Variants in COL9A1 observed in about 807,000 individuals in gnomAD.
The protein encoded by COL9A1 is collagen alpha-1(IX) chain.
COL9A1 carries 104 observed loss-of-function variants against 142.6 expected under a neutral mutation model. The observed-to-expected ratio is 0.73, with a 90% CI of 0.62 to 0.86. COL9A1 has a LOEUF of 0.86. COL9A1 is among the 40% of genes least tolerant of loss of function. The pLI is 0.00. For missense variants in COL9A1, 1,210 were observed against 1,176.6 expected, an observed-to-expected ratio of 1.03 and a Z score of -0.42; for synonymous variants, 466 against 396.0, an observed-to-expected ratio of 1.18 and a Z score of -2.10.
Position 70,286,356 on chromosome 6 carries a change from A to G in COL9A1, c.697-2536T>C, listed in dbSNP as rs541618919. ...TTTGCCAGGTTGTTAAGAAAGATTA[A>G]TAAGGTATTTAAGTCCTTCATAAGA... On this transcript the variant is annotated intron_variant, in intron 5 of 37. Transcript: ENST00000357250. 8.5e-5 allele frequency among the ~76,000 whole-genome samples: 13 copies of G among 152,322 alleles called. No homozygotes were observed. In the East Asian group the frequency reaches 2.5e-3, roughly 29 times the overall value.
Position 70,234,593 on chromosome 6 carries a change from C to G in COL9A1, c.2260G>C (p.Gly754Arg), listed in dbSNP as rs1769777375. The change falls in exon 35 of 38, where the codon GGT (glycine) becomes CGT (arginine). Residue 754 changes from glycine to arginine, a missense_variant and splice_region_variant. By Grantham distance (125) the Gly-to-Arg change is moderately radical (BLOSUM62 -2). Transcript: ENST00000357250. ...ATGTGCTGATCTGTCGGTGCTCTAC[C>G]CTGGGACAGAAAAGAAAAAAAGGCA... ...TGLPGVQGPP[G>R]RAPTDQHIKQ... The G allele has an allele frequency of 1.2e-6, 2 of 1,614,068 alleles. No individual in the cohort carries two copies. Among genetic ancestry groups the G allele is most frequent in the Non-Finnish European group, 1.7e-6 (2 of 1,180,000 alleles).
At chr6:70,236,130 A>C (rs1769893095) in intron 33 of COL9A1, among the ~76,000 whole-genome samples, 2 of 151,060 alleles carry the variant, frequency 1.3e-5, no homozygotes, top group African/African-American at 2.4e-5. Flanking sequence ...AAAAAAAAAA[A>C]AAAAAAAAAA....
intron 10 of COL9A1, among the ~76,000 whole-genome samples, chr6:70,275,657 C>T (rs1469857626): frequency 6.6e-6 from 1 of 152,024 alleles, no homozygotes; most frequent in Non-Finnish European, 1.5e-5. Context: ...AGATACATTT[C>T]TATTTTTAAT....
At chr6:70,233,065 C>T (rs1769660391) in intron 35 of COL9A1, among the ~76,000 whole-genome samples, 1 of 152,118 alleles carries the variant, frequency 6.6e-6, no homozygotes. Flanking sequence ...TCTTAAACTA[C>T]AGGCTTTGGG....
At chr6:70,281,266 G>A in intron 8 of COL9A1, 124 bp downstream of exon 8, 1 of 943,722 alleles carries the variant, frequency 1.1e-6, no homozygotes, top group Non-Finnish European at 1.6e-6. Flanking sequence ...GCCTTTAAGT[G>A]GGGTGGCAGG....
intron 25 of COL9A1, 86 bp from the exon 26 acceptor site, chr6:70,253,515 C>A (rs1771084911): frequency 1.1e-6 from 1 of 937,100 alleles, no homozygotes. Context: ...TGCAGGGAGG[C>A]TGAGGGAATC....
intron 32 of COL9A1, among the ~76,000 whole-genome samples, chr6:70,239,635 CAA>C (rs745902076): frequency 6.6e-6 from 1 of 152,288 alleles, no homozygotes; most frequent in East Asian, 1.9e-4. Flanking sequence ...TTATAAAACA[CAA>C]GAGACATTTA....
At position 70,283,138 on chromosome 6, in the gene COL9A1, C is replaced by T. The variant is rs546784062; in HGVS notation, c.781-220G>A. On this transcript the variant is annotated intron_variant, in intron 6 of 37. Coordinates refer to ENST00000357250, the MANE Select transcript of COL9A1 (RefSeq NM_001851.6). ...CCAGACCCGCCACTAGCATAGGTGG[C>T]ACTTCGTCCCTGCAGAAAAAGCACC... is the stretch of plus-strand genomic sequence containing the variant. The T allele has an allele frequency of 1.4e-3, 2,128 of 1,528,620 alleles. 3 individuals carry two copies. The highest frequency in any genetic ancestry group is 1.6e-3 in the Non-Finnish European group (1,873 of 1,141,472). The allele number at this position is 1,528,620 out of a possible 1,614,324, so 94.7% of individuals were successfully genotyped here. A position where few individuals can be genotyped will look rare whatever the true frequency, so the allele number is the denominator to read the frequency against.
chr6:70,286,472 G>A (rs1480883751), intron 5 of COL9A1, among the ~76,000 whole-genome samples: 1 of 152,168 alleles, frequency 6.6e-6, no homozygotes, highest in East Asian at 1.9e-4. Flanking sequence ...TAATGAGATT[G>A]GCACAAGGTT....
At chr6:70,234,636 T>C (rs1769780819) in intron 34 of COL9A1, 43 bp from the exon 35 acceptor site, 4 of 1,611,636 alleles carry the variant, frequency 2.5e-6, no homozygotes, top group East Asian at 2.2e-5. Flanking sequence ...CATGAAACCA[T>C]AAAGAGAACA....
At chr6:70,217,456 A>G (rs1251486638) in intron 37 of COL9A1, among the ~76,000 whole-genome samples, 4 of 152,208 alleles carry the variant, frequency 2.6e-5, no homozygotes, top group African/African-American at 4.8e-5. Context: ...CTTGATATGA[A>G]AAAATGTAAA....
At chr6:70,283,182 C>A in intron 6 of COL9A1, 1 of 1,493,456 alleles carries the variant, frequency 6.7e-7, no homozygotes, top group South Asian at 1.3e-5. Context: ...TAGCGGTTGC[C>A]AAAGCGTCCA....
intron 7 of COL9A1, 38 bp downstream of exon 7, chr6:70,282,860 C>A (rs771063657): frequency 1.5e-5 from 25 of 1,614,014 alleles, no homozygotes; most frequent in Non-Finnish European, 2.1e-5. Flanking sequence ...TCCTCGTGTG[C>A]GCTTGAAAAA....
chr6:70,240,822 GC>G, intron 31 of COL9A1, 89 bp from the exon 32 acceptor site: 1 of 987,020 alleles, frequency 1.0e-6, no homozygotes, highest in Non-Finnish European at 1.6e-6. Flanking sequence ...ATTCATAAGT[GC>G]CCACAGTGTT....
At chr6:70,217,215 A>G in intron 37 of COL9A1, 134 bp from the exon 38 acceptor site, 3 of 749,626 alleles carry the variant, frequency 4.0e-6, no homozygotes, top group African/African-American at 1.7e-5. Flanking sequence ...ATGACTGGTG[A>G]TGATTGGTGA....
rs762425406 is a variant in COL9A1 at position 70,234,538 on chromosome 6, C to A, written c.2314+1G>T. 1 of 1,613,998 alleles carries A rather than the reference C, an allele frequency of 6.2e-7. No homozygotes were observed. The highest frequency in any genetic ancestry group is 8.5e-7 in the Non-Finnish European group (1 of 1,179,860). ...AAGTCAAACCATTGTGATTTATTTA[C>A]CTTGTATGACTCTCATGCAAACCTG... On this transcript the variant is annotated splice_donor_variant, in intron 35 of 37. Transcript: ENST00000357250. LOFTEE classifies it high-confidence loss of function.
At chr6:70,266,967 T>C (rs1040581034) in intron 17 of COL9A1, among the ~76,000 whole-genome samples, 197 bp from the exon 18 acceptor site, 6 of 152,238 alleles carry the variant, frequency 3.9e-5, no homozygotes, top group Non-Finnish European at 2.9e-5. Flanking sequence ...TTTTACTTAA[T>C]AGAAAAACAC....
chr6:70,270,918 A>G (rs2127590261), intron 14 of COL9A1, among the ~76,000 whole-genome samples: 1 of 152,344 alleles, frequency 6.6e-6, no homozygotes, highest in South Asian at 2.1e-4. Context: ...TTCAGATGAA[A>G]ATGGGTTCCA....
At chr6:70,293,830 G>A (rs1409470613) in intron 5 of COL9A1, among the ~76,000 whole-genome samples, 1 of 151,858 alleles carries the variant, frequency 6.6e-6, no homozygotes, top group African/African-American at 2.4e-5. Flanking sequence ...AAAGTGCATT[G>A]CTTCCAAGAA....
Sources: gnomAD v4.1 joint callset for allele counts (sites outside exome capture counted in the v4.1 genomes callset) on GRCh38, gnomAD v4.1.1 for gene constraint, MANE v1.5 for transcripts, NCBI Gene and HGNC (gene_info 2026-07-23, HGNC 2026-07-21) for gene names.